The following AKAP13 variants were observed in gnomAD, a reference collection of about 807,000 sequenced individuals.
AKAP13 encodes the protein A-kinase anchor protein 13.
In AKAP13, 80 loss-of-function variants were observed where a neutral mutation model predicts 264.5. The ratio of observed to expected loss-of-function variants is 0.30; its 90% CI spans 0.25 to 0.36. The LOEUF (loss-of-function observed/expected upper bound fraction) is 0.36, where lower values mean the gene tolerates loss of function less well. AKAP13 is among the 10% of genes least tolerant of loss of function. The pLI is 1.00. For synonymous variants in AKAP13, 1,380 were observed against 1,250.2 expected (o/e 1.10, Z -2.19); for missense variants, 3,712 against 3,435.2 (o/e 1.08, Z -2.01).
At chr15:85,679,105 G>C (rs900960517) in intron 14 of AKAP13, among the ~76,000 whole-genome samples, 3 of 151,930 alleles carry the variant, frequency 2.0e-5, no homozygotes, top group Non-Finnish European at 2.9e-5. Context: ...GCCGGGTGTG[G>C]TTGCGGGCTC....
chr15:85,450,449 A>T, intron 1 of AKAP13, among the ~76,000 whole-genome samples: 1 of 151,570 alleles, frequency 6.6e-6, no homozygotes, highest in Admixed American at 6.6e-5. Context: ...CAGTTGTGAG[A>T]TTAGGTTGTT....
rs2083498844 is a variant in AKAP13, at chr15:85,664,702, T to C, written c.4939T>C (p.Ser1647Pro). Residue 1647 changes from serine (S) to proline (P), a missense_variant, in exon 13 of 37, where the codon TCA becomes CCA. Transcript: ENST00000394518. ...ACGGGTTGACTCTTTGGTGTCACTT[T>C]CAGAAGAGGATCTGGAGTCAGACCA... is the stretch of plus-strand genomic sequence containing the variant. ...EERVDSLVSLSEEDLESDQRE... is the reference protein window; with the variant it reads ...EERVDSLVSLPEEDLESDQRE... 2 of 1,614,112 alleles carry C rather than the reference T, an allele frequency of 1.2e-6. No homozygotes were observed. The highest frequency in any genetic ancestry group is 1.7e-6 in the Non-Finnish European group (2 of 1,179,974).
At chr15:85,602,677 A>T (rs2080142122) in intron 8 of AKAP13, among the ~76,000 whole-genome samples, 1 of 151,712 alleles carries the variant, frequency 6.6e-6, no homozygotes, top group African/African-American at 2.4e-5. Context: ...TTTAGTAGAG[A>T]CAGGATTTCA....
At chr15:85,432,295 A>G (rs1344930309) in intron 1 of AKAP13, among the ~76,000 whole-genome samples, 1 of 151,764 alleles carries the variant, frequency 6.6e-6, no homozygotes, top group Non-Finnish European at 1.5e-5. Flanking sequence ...GCAAGCTAAC[A>G]TATTTATTTT....
chr15:85,696,471 C>T (rs189679942), intron 17 of AKAP13, among the ~76,000 whole-genome samples: 4 of 152,276 alleles, frequency 2.6e-5, no homozygotes, highest in Non-Finnish European at 5.9e-5. Context: ...TTTTCTTCTA[C>T]GTTAAGGAGT....
chr15:85,560,765 A>AT (rs1030926854), intron 5 of AKAP13, among the ~76,000 whole-genome samples: 2 of 152,096 alleles, frequency 1.3e-5, no homozygotes, highest in African/African-American at 2.4e-5. Context: ...TTACCTACTG[A>AT]TTTTTTGCTT....
chr15:85,661,281 A>G (rs924229246), intron 12 of AKAP13, among the ~76,000 whole-genome samples: 12 of 152,198 alleles, frequency 7.9e-5, no homozygotes, highest in South Asian at 2.1e-4. Flanking sequence ...TGTCCTTGCT[A>G]CTTGATAATG....
intron 13 of AKAP13, 149 bp downstream of exon 13, chr15:85,664,904 C>T: frequency 2.6e-6 from 2 of 755,430 alleles, no homozygotes; most frequent in East Asian, 2.9e-5. Context: ...AAGTGTTTAG[C>T]ACCTAATTAA....
At chr15:85,456,958 A>G (rs1299430640) in intron 1 of AKAP13, among the ~76,000 whole-genome samples, 1 of 152,178 alleles carries the variant, frequency 6.6e-6, no homozygotes, top group Non-Finnish European at 1.5e-5. Context: ...AGTAATGACT[A>G]TAGTTTATTA....
intron 1 of AKAP13, among the ~76,000 whole-genome samples, chr15:85,395,582 G>A (rs2071070187): frequency 6.6e-6 from 1 of 152,148 alleles, no homozygotes; most frequent in Non-Finnish European, 1.5e-5. Flanking sequence ...ATATCTGAAG[G>A]CAGTGTTTAT....
intron 9 of AKAP13, 43 bp from the exon 10 acceptor site, chr15:85,645,775 G>GTTTTTTT: frequency 7.3e-7 from 1 of 1,371,588 alleles, no homozygotes; most frequent in Non-Finnish European, 9.6e-7. Flanking sequence ...TGGTTTTTTT[G>GTTTTTTT]TTTTTTTTTT....
chr15:85,595,446 A>C (rs11073436), intron 8 of AKAP13, among the ~76,000 whole-genome samples: 94,250 of 152,020 alleles, frequency 0.62, 29,373 homozygotes, highest in Middle Eastern at 0.72. Context: ...TGCCCTCAGC[A>C]TACCTAGAAT....
Position 85,639,522 on chromosome 15 carries a change from G to T in AKAP13, c.4237+73G>T, listed in dbSNP as rs192159550. The T allele has an allele frequency of 4.1e-5, 45 of 1,104,012 alleles. 1 individual carries two copies. Among genetic ancestry groups the T allele is most frequent in the Admixed American group, 3.4e-5 (2 of 58,202 alleles). The allele number at this position is 1,104,012 out of a possible 1,614,324, so 68.4% of individuals were successfully genotyped here. ...GGCAGATCGTTTTATTTGGAGATCT[G>T]CCCTTCCTTAGCATGTTATACAGTA... is the stretch of plus-strand genomic sequence containing the variant. On this transcript the variant is annotated intron_variant, in intron 9 of 36. Transcript: ENST00000394518.
chr15:85,507,432 T>C (rs2076269060), intron 2 of AKAP13, among the ~76,000 whole-genome samples: 1 of 151,864 alleles, frequency 6.6e-6, no homozygotes, highest in Admixed American at 6.6e-5. Context: ...GTAACCATAT[T>C]TCCCACAAAG....
chr15:85,512,053 T>C (rs1306709462), intron 2 of AKAP13, among the ~76,000 whole-genome samples: 3 of 152,108 alleles, frequency 2.0e-5, no homozygotes, highest in Non-Finnish European at 4.4e-5. Context: ...TGTCTTTTTT[T>C]TTTTCTTCGT....
chr15:85,526,129 T>G (rs1335783790), intron 3 of AKAP13, among the ~76,000 whole-genome samples: 1 of 152,202 alleles, frequency 6.6e-6, no homozygotes, highest in African/African-American at 2.4e-5. Context: ...TAAAGTAGAT[T>G]TGTCATTAAA....
At chr15:85,505,693 T>C (rs879597303) in intron 2 of AKAP13, among the ~76,000 whole-genome samples, 5 of 152,230 alleles carry the variant, frequency 3.3e-5, no homozygotes, top group Non-Finnish European at 7.3e-5. Flanking sequence ...TGAGGTGTCT[T>C]TTAAAGAAAG....
chr15:85,575,193 G>T lies in AKAP13; in HGVS notation c.725G>T (p.Cys242Phe). The part of the protein sequence containing the change: ...SLSYEIPYGD[C>F]SVRHHRELDI... The stretch of plus-strand genomic sequence containing the variant: ...TCCTATGAAATACCGTATGGAGACT[G>T]TTCTGTGAGGCATCATCGAGAGTTG... Residue 242 changes from cysteine (C) to phenylalanine (F), a missense_variant, in exon 6 of 37, where the codon TGT becomes TTT. Transcript: ENST00000394518. 1 of 1,614,126 alleles carries T rather than the reference G, an allele frequency of 6.2e-7. No homozygotes were observed. The highest frequency in any genetic ancestry group is 8.5e-7 in the Non-Finnish European group (1 of 1,180,024).
chr15:85,733,449 A>T (rs2088196351), intron 30 of AKAP13, among the ~76,000 whole-genome samples: 1 of 152,190 alleles, frequency 6.6e-6, no homozygotes, highest in Non-Finnish European at 1.5e-5. Context: ...TTGTTACCCT[A>T]GGTTGATGCT....
Sources: allele counts gnomAD v4.1 joint callset (sites outside exome capture counted in the v4.1 genomes callset), GRCh38; gene constraint gnomAD v4.1.1; transcripts MANE v1.5; gene names NCBI Gene and HGNC (gene_info 2026-07-23, HGNC 2026-07-21).